TEX10: variants seen among roughly 807,000 people sequenced by gnomAD.
TEX10 encodes testis-expressed protein 10.
A neutral mutation model predicts 104.4 loss-of-function variants in TEX10; 24 were observed. The observed-to-expected ratio is 0.23, with a 90% CI of 0.17 to 0.32. The LOEUF is 0.32. Among genes scored for constraint, TEX10 ranks in the 10% least tolerant of loss-of-function variants. The pLI is 1.00. For synonymous variants in TEX10, 396 were observed against 393.4 expected, an observed-to-expected ratio of 1.01 and a Z score of -0.08; for missense variants, 921 against 1,083.9, an observed-to-expected ratio of 0.85 and a Z score of 2.11.
At chr9:100,338,418 C>T (rs1288675198) in intron 5 of TEX10, among the ~76,000 whole-genome samples, 1 of 152,222 alleles carries the variant, frequency 6.6e-6, no homozygotes, top group Non-Finnish European at 1.5e-5. Flanking sequence ...CAGTACCTGC[C>T]TGAGGAGCAT....
rs759098662 is a variant in TEX10 at position 100,346,280 on chromosome 9, C to A, written c.929G>T (p.Gly310Val). 2 of 1,613,866 alleles carry A rather than the reference C, an allele frequency of 1.2e-6. No homozygotes were observed. Among genetic ancestry groups the A allele is most frequent in the South Asian group, 2.2e-5 (2 of 91,058 alleles). ...TTTCAGGTTTTCAGTAGATGACAGG[C>A]CTTCATCCACACCACTCAGTCCTCC... ...LVGGLSGVDEGLSSTENLKGF... is the reference protein window; with the variant it reads ...LVGGLSGVDEVLSSTENLKGF... Residue 310 changes from glycine (G) to valine (V), a missense_variant, in exon 4 of 15, where the codon GGC (glycine) becomes GTC (valine). Transcript: ENST00000374902.
At chr9:100,306,941 T>C (rs1230185829) in intron 13 of TEX10, 1 of 152,178 alleles carries the variant, frequency 6.6e-6, no homozygotes, top group African/African-American at 2.4e-5. Context: ...AAATAACAAA[T>C]AGCAATACAC....
At chr9:100,348,793 C>G (rs1835366536) in intron 2 of TEX10, among the ~76,000 whole-genome samples, 1 of 152,052 alleles carries the variant, frequency 6.6e-6, no homozygotes, top group Non-Finnish European at 1.5e-5. Flanking sequence ...CGCCTGCAGC[C>G]CCAGCTACTT....
At chr9:100,342,342 T>C (rs35427402) in intron 4 of TEX10, among the ~76,000 whole-genome samples, 1,666 of 152,308 alleles carry the variant, frequency 0.011, 17 homozygotes, top group African/African-American at 0.016. Context: ...TTACTGTCTA[T>C]AGATCCCACC....
At chr9:100,345,935 A>G in intron 4 of TEX10, 137 bp downstream of exon 4, 1 of 870,356 alleles carries the variant, frequency 1.1e-6, no homozygotes, top group South Asian at 2.5e-5. Flanking sequence ...GTGCAAAACA[A>G]ACAAGTTTAC....
intron 1 of TEX10, among the ~76,000 whole-genome samples, chr9:100,351,189 T>G (rs542039857): frequency 4.6e-5 from 7 of 151,996 alleles, no homozygotes; most frequent in Non-Finnish European, 1.0e-4. Flanking sequence ...AGTCACGCCT[T>G]TATCAAGAAG....
In TEX10 at chr9:100,349,165, A is replaced by G; in HGVS notation, c.180+19T>C. The stretch of plus-strand genomic sequence containing the variant: ...TCCAAAGAAAATCTTATTTTGTCAA[A>G]ACATGATTTATGATTTACCTTTATG... On this transcript the variant is annotated intron_variant, in intron 2 of 14. Coordinates refer to ENST00000374902, the MANE Select transcript of TEX10 (RefSeq NM_017746.4). 6.6e-7 allele frequency: 1 copy of G among 1,512,724 alleles called. No individual in the cohort carries two copies. Among genetic ancestry groups the G allele is most frequent in the Non-Finnish European group, 8.8e-7 (1 of 1,134,820 alleles). The allele number at this position is 1,512,724 out of a possible 1,614,324, so 93.7% of individuals were successfully genotyped here. A position where few individuals can be genotyped will look rare whatever the true frequency, so the allele number is the denominator to read the frequency against.
intron 6 of TEX10, 109 bp from the exon 7 acceptor site, chr9:100,329,384 A>G: frequency 7.6e-7 from 1 of 1,321,538 alleles, no homozygotes. Context: ...GGCAAAGCCA[A>G]TTTTAGCCAC....
At chr9:100,309,597 T>C (rs1484861380) in intron 12 of TEX10, among the ~76,000 whole-genome samples, 1 of 152,170 alleles carries the variant, frequency 6.6e-6, no homozygotes, top group Non-Finnish European at 1.5e-5. Context: ...TACTAGGAAT[T>C]CAAAGCAGTA....
At chr9:100,310,932 T>G (rs1449037065) in intron 11 of TEX10, among the ~76,000 whole-genome samples, 1 of 152,214 alleles carries the variant, frequency 6.6e-6, no homozygotes, top group Non-Finnish European at 1.5e-5. Flanking sequence ...AATAAAAGAA[T>G]GAGAAACCTT....
rs1461315749 is a variant in TEX10, at chr9:100,329,271, G to T, written c.1494C>A (p.Asp498Glu). The T allele has an allele frequency of 1.1e-5, 18 of 1,595,550 alleles. No homozygotes were observed. The Admixed American group carries it at 3.4e-4, about 30-fold the overall frequency. The change falls in exon 7 of 15, where the codon GAC becomes GAA. Residue 498 changes from aspartate (D) to glutamate (E), a missense_variant. By Grantham distance (45) the Asp-to-Glu change is conservative. Transcript: ENST00000374902. The part of the protein sequence containing the change: ...RLMQIQPNRE[D>E]TETLIKAVYT... ...AAACTGCCTTAATAAGAGTCTCTGT[G>T]TCCTCTACAAACAGAAAGAAAACAA... is the stretch of plus-strand genomic sequence containing the variant.
At chr9:100,318,037 T>A (rs368680842) in intron 11 of TEX10, among the ~76,000 whole-genome samples, 1 of 152,130 alleles carries the variant, frequency 6.6e-6, no homozygotes, top group South Asian at 2.1e-4. Flanking sequence ...TAGTACAACC[T>A]CTGTGGAAAT....
chr9:100,351,300 C>T (rs550421578), intron 1 of TEX10, among the ~76,000 whole-genome samples: 1 of 149,468 alleles, frequency 6.7e-6, no homozygotes, highest in East Asian at 2.0e-4. Context: ...AACAGTTTGG[C>T]TTATTTCATT....
At chr9:100,305,121 T>A (rs1314987235) in intron 13 of TEX10, 1 of 152,158 alleles carries the variant, frequency 6.6e-6, no homozygotes, top group East Asian at 1.9e-4. Context: ...TCTCCAAGTG[T>A]TAATTAGATG....
chr9:100,344,051 A>T (rs373423493), intron 4 of TEX10, among the ~76,000 whole-genome samples: 2 of 152,362 alleles, frequency 1.3e-5, no homozygotes, highest in East Asian at 3.9e-4. Flanking sequence ...TGTCTCTAAG[A>T]TAATGGTTCC....
At chr9:100,313,882 G>T (rs947401548) in intron 11 of TEX10, among the ~76,000 whole-genome samples, 1 of 151,252 alleles carries the variant, frequency 6.6e-6, no homozygotes, top group African/African-American at 2.4e-5. Context: ...ACATAGGAAC[G>T]TAGCCTTCTT....
chr9:100,321,815 TGACA>T, intron 9 of TEX10, 44 bp from the exon 10 acceptor site: 1 of 1,442,548 alleles, frequency 6.9e-7, no homozygotes, highest in Non-Finnish European at 9.7e-7. Flanking sequence ...GTGACCAACT[TGACA>T]GACTTGTCAA....
In TEX10 at chr9:100,328,221, T is replaced by C. The variant is rs193138811; in HGVS notation, c.1626-259A>G. Among the ~76,000 whole-genome samples the C allele has an allele frequency of 2.6e-3, 400 of 152,348 alleles. 1 individual carries two copies. The highest frequency in any genetic ancestry group is 9.3e-3 in the African/African-American group (386 of 41,586). On this transcript the variant is annotated intron_variant, in intron 7 of 14. Transcript: ENST00000374902. ...ATTTTGAAGGATAGAGACACTTAAC[T>C]ATTTATCCTAATCGGTGTTATTATA...
At chr9:100,336,795 CCTAA>C (rs1835022150) in intron 5 of TEX10, among the ~76,000 whole-genome samples, 2 of 152,086 alleles carry the variant, frequency 1.3e-5, no homozygotes, top group South Asian at 2.1e-4. Flanking sequence ...TGTTGACTTC[CCTAA>C]CTGTGATTTG....
Sources: gnomAD v4.1 joint callset for allele counts (sites outside exome capture counted in the v4.1 genomes callset) on GRCh38, gnomAD v4.1.1 for gene constraint, MANE v1.5 for transcripts, NCBI Gene and HGNC (gene_info 2026-07-23, HGNC 2026-07-21) for gene names.